PVT1: variants seen among roughly 807,000 people sequenced by gnomAD.
PVT1 encodes CXCR4/PVT1 fusion.
At position 127,858,449 on chromosome 8, in the gene PVT1, A is replaced by AATAG. The variant is rs1342313873; in HGVS notation, n.373-32139_373-32138insTAGA. Among the ~76,000 whole-genome samples, 396 of 151,792 alleles carry AATAG rather than the reference A, an allele frequency of 2.6e-3. 5 individuals are homozygous for AATAG. Among genetic ancestry groups the AATAG allele is most frequent in the African/African-American group, 8.8e-3 (363 of 41,452 alleles). ...AAATAAATAAATAAATAAATAAATA[A>AATAG]AAGATGGTCTTGAGGTTTCGGTTTG... On this transcript the variant is annotated intron_variant and non_coding_transcript_variant, in intron 2 of 10. Coordinates refer to ENST00000651587, the Ensembl canonical transcript of PVT1.
intron 4 of PVT1, among the ~76,000 whole-genome samples, chr8:128,026,827 C>T (rs1481832362): frequency 6.6e-6 from 1 of 152,216 alleles, no homozygotes; most frequent in Non-Finnish European, 1.5e-5. Context: ...CTCTTGCCCT[C>T]TCATTTACCA....
At chr8:127,991,455 T>C (rs1817040863) in intron 4 of PVT1, among the ~76,000 whole-genome samples, 1 of 152,160 alleles carries the variant, frequency 6.6e-6, no homozygotes, top group Non-Finnish European at 1.5e-5. Flanking sequence ...TGGGAGCCCA[T>C]GCTTCTGAGG....
intron 2 of PVT1, among the ~76,000 whole-genome samples, chr8:127,858,259 T>A (rs1283830355): frequency 6.6e-6 from 1 of 152,088 alleles, no homozygotes; most frequent in African/African-American, 2.4e-5. Context: ...ATACAAAAAT[T>A]AGCCGGGCAT....
chr8:127,881,428 T>G (rs1200792958), intron 2 of PVT1, among the ~76,000 whole-genome samples: 1 of 135,628 alleles, frequency 7.4e-6, no homozygotes, highest in Non-Finnish European at 1.5e-5. Flanking sequence ...TTAATATTAT[T>G]GTTATTATAT....
intron 4 of PVT1, among the ~76,000 whole-genome samples, chr8:128,051,763 A>G (rs115271067): frequency 0.011 from 1,689 of 151,964 alleles, 34 homozygotes; most frequent in African/African-American, 0.039. Context: ...ATTTTGCTTT[A>G]CCACCAGAAT....
At chr8:127,956,160 A>G (rs1054604639) in intron 3 of PVT1, among the ~76,000 whole-genome samples, 1 of 152,250 alleles carries the variant, frequency 6.6e-6, no homozygotes, top group Non-Finnish European at 1.5e-5. Flanking sequence ...CTCAAGGGGA[A>G]GAGCCTTGGC....
At chr8:128,028,137 C>T (rs1813339805) in intron 4 of PVT1, among the ~76,000 whole-genome samples, 1 of 152,250 alleles carries the variant, frequency 6.6e-6, no homozygotes, top group African/African-American at 2.4e-5. Context: ...CAGCCAGGTC[C>T]CCCAGCCTGC....
At chr8:127,859,276 C>T (rs182012081) in intron 2 of PVT1, among the ~76,000 whole-genome samples, 93 of 152,198 alleles carry the variant, frequency 6.1e-4, no homozygotes, top group Middle Eastern at 3.4e-3. Flanking sequence ...CACAGAACAA[C>T]CAGGTCTGGG....
chr8:128,002,400 G>A (rs1465588080), intron 4 of PVT1, among the ~76,000 whole-genome samples: 2 of 152,352 alleles, frequency 1.3e-5, no homozygotes, highest in African/African-American at 2.4e-5. Flanking sequence ...TGGTCAGGGT[G>A]TGTATTAGTT....
intron 3 of PVT1, among the ~76,000 whole-genome samples, chr8:127,988,254 G>A (rs1220907801): frequency 6.6e-6 from 1 of 152,182 alleles, no homozygotes; most frequent in Non-Finnish European, 1.5e-5. Context: ...ACTTTTCAGC[G>A]TTCTTTATTC....
intron 5 of PVT1, among the ~76,000 whole-genome samples, chr8:128,086,251 G>T (rs1204587120): frequency 6.6e-6 from 1 of 152,190 alleles, no homozygotes; most frequent in African/African-American, 2.4e-5. Context: ...GGGCAGAGGG[G>T]GGTCTAGGCA....
chr8:127,876,163 G>GGA (rs1254187039), intron 2 of PVT1, among the ~76,000 whole-genome samples: 1 of 152,130 alleles, frequency 6.6e-6, no homozygotes, highest in East Asian at 1.9e-4. Flanking sequence ...GGGAAGACTG[G>GGA]GAGAAGCCTT....
At chr8:127,807,127 C>G (rs1250570061) in intron 2 of PVT1, among the ~76,000 whole-genome samples, 1 of 152,100 alleles carries the variant, frequency 6.6e-6, no homozygotes, top group Non-Finnish European at 1.5e-5. Flanking sequence ...ACATGTGCAG[C>G]CCCGTTCCTA....
At chr8:127,985,818 G>A (rs1181623529) in intron 3 of PVT1, among the ~76,000 whole-genome samples, 5 of 152,178 alleles carry the variant, frequency 3.3e-5, no homozygotes, top group South Asian at 2.1e-4. Context: ...TGCAGTGGGC[G>A]ATGGTGTTTT....
intron 4 of PVT1, among the ~76,000 whole-genome samples, chr8:128,036,137 T>A (rs1358041208): frequency 6.6e-6 from 1 of 152,104 alleles, no homozygotes; most frequent in Non-Finnish European, 1.5e-5. Context: ...ATCCCTGGAG[T>A]CCCAGTGCTT....
chr8:127,959,352 C>T (rs1304551099), intron 3 of PVT1, among the ~76,000 whole-genome samples: 2 of 152,108 alleles, frequency 1.3e-5, no homozygotes, highest in East Asian at 1.9e-4. Flanking sequence ...TTTGGGAGGC[C>T]AAGGCGGGCG....
chr8:128,084,249 C>G (rs1416192165), intron 5 of PVT1, among the ~76,000 whole-genome samples: 1 of 152,172 alleles, frequency 6.6e-6, no homozygotes, highest in Non-Finnish European at 1.5e-5. Context: ...CCTTCCTCTG[C>G]CACTTTCCCC....
chr8:127,887,728 C>T (rs1240289799), intron 2 of PVT1, among the ~76,000 whole-genome samples: 8 of 151,044 alleles, frequency 5.3e-5, no homozygotes, highest in South Asian at 4.2e-4. Context: ...GGTTTCACCA[C>T]GTTGGCCAGT....
rs1258099517 is a variant in PVT1 at position 127,879,582 on chromosome 8, G to C, written n.373-11007G>C. ...AACAAAAAAGAACAAAGTCTCCGGAGGCAGTGCCTGGGCTCGTATCCTAGC... is the reference window on the plus strand; with the variant it reads ...AACAAAAAAGAACAAAGTCTCCGGACGCAGTGCCTGGGCTCGTATCCTAGC... On this transcript the variant is annotated intron_variant and non_coding_transcript_variant, in intron 2 of 10. Coordinates refer to ENST00000651587, the Ensembl canonical transcript of PVT1. Among the ~76,000 whole-genome samples, 6 of 152,272 alleles carry C rather than the reference G, an allele frequency of 3.9e-5. No homozygotes were observed. The East Asian group carries it at 1.2e-3, about 29-fold the overall frequency.
Sources: allele counts gnomAD v4.1 joint callset (sites outside exome capture counted in the v4.1 genomes callset), GRCh38; gene constraint gnomAD v4.1.1; transcripts MANE v1.5; gene names NCBI Gene and HGNC (gene_info 2026-07-23, HGNC 2026-07-21).